The following MDGA2 variants were observed in gnomAD, a reference collection of about 807,000 sequenced individuals.
The protein encoded by MDGA2 is MAM domain containing glycosylphosphatidylinositol anchor 2, also known as MAM domain-containing glycosylphosphatidylinositol anchor protein 2.
In MDGA2, 40 loss-of-function variants were observed where a neutral mutation model predicts 117.8. That is an observed-to-expected ratio of 0.34 (90% confidence interval 0.26 to 0.44). The LOEUF is 0.44. MDGA2 is among the 20% of genes least tolerant of loss of function. MDGA2 has a pLI of 1.00. For synonymous variants in MDGA2, 452 were observed against 439.0 expected (o/e 1.03, Z -0.37); for missense variants, 1,123 against 1,250.6 (o/e 0.90, Z 1.54).
chr14:46,889,556 C>T (rs1446176893), intron 10 of MDGA2, among the ~76,000 whole-genome samples: 1 of 152,058 alleles, frequency 6.6e-6, no homozygotes, highest in East Asian at 1.9e-4. Flanking sequence ...GTCTAGCATG[C>T]ATAGCATTTA....
At chr14:47,672,139 C>T (rs1261614143) in intron 1 of MDGA2, among the ~76,000 whole-genome samples, 1 of 152,152 alleles carries the variant, frequency 6.6e-6, no homozygotes, top group African/African-American at 2.4e-5. Flanking sequence ...TCTTTGAGAA[C>T]CTAACTTCTG....
intron 5 of MDGA2, among the ~76,000 whole-genome samples, chr14:47,108,939 C>T (rs1235154540): frequency 3.3e-5 from 5 of 152,126 alleles, no homozygotes; most frequent in African/African-American, 4.8e-5. Flanking sequence ...TAAACATTGA[C>T]AAGGTATGAT....
chr14:46,844,770 C>T (rs539646982), intron 16 of MDGA2, among the ~76,000 whole-genome samples: 2 of 152,066 alleles, frequency 1.3e-5, no homozygotes, highest in Admixed American at 1.3e-4. Context: ...CCGCATAATC[C>T]CCATGTTTCA....
chr14:46,953,977 A>G lies in MDGA2; in HGVS notation c.2089+3397T>C, dbSNP rs117423987. Among the ~76,000 whole-genome samples, 975 of 152,140 alleles carry G rather than the reference A, an allele frequency of 6.4e-3. 4 individuals are homozygous for G. Among genetic ancestry groups the G allele is most frequent in the African/African-American group, 0.012 (495 of 41,532 alleles). On this transcript the variant is annotated intron_variant, in intron 9 of 16. Transcript: ENST00000399232. Reference sequence around the variant, plus strand: ...TAGATTCTGTCATCTGGTTTCCTATATAATCAAGCTGCTGGAAACATCTTT... The same window carrying G: ...TAGATTCTGTCATCTGGTTTCCTATGTAATCAAGCTGCTGGAAACATCTTT...
At chr14:47,087,243 G>A (rs541227372) in intron 6 of MDGA2, among the ~76,000 whole-genome samples, 16 of 151,776 alleles carry the variant, frequency 1.1e-4, no homozygotes, top group African/African-American at 3.4e-4. Context: ...GGCTGGGTGC[G>A]GTGGCTCACA....
At chr14:47,603,519 G>T (rs1896685114) in intron 1 of MDGA2, among the ~76,000 whole-genome samples, 1 of 152,128 alleles carries the variant, frequency 6.6e-6, no homozygotes, top group Non-Finnish European at 1.5e-5. Context: ...CCTATATTCT[G>T]CATAATGCTG....
chr14:47,200,403 G>T (rs958776618), intron 3 of MDGA2, among the ~76,000 whole-genome samples: 1 of 151,998 alleles, frequency 6.6e-6, no homozygotes, highest in South Asian at 2.1e-4. Flanking sequence ...TCTTTTTATA[G>T]AATAAATCTG....
At chr14:47,214,811 G>A (rs1178479427) in intron 3 of MDGA2, among the ~76,000 whole-genome samples, 1 of 151,926 alleles carries the variant, frequency 6.6e-6, no homozygotes, top group Admixed American at 6.6e-5. Context: ...TTGCTGAGAG[G>A]TACCCATTTT....
chr14:47,015,912 G>A (rs995028793), intron 8 of MDGA2, among the ~76,000 whole-genome samples: 2 of 151,956 alleles, frequency 1.3e-5, no homozygotes, highest in Non-Finnish European at 2.9e-5. Flanking sequence ...ATAAGAATTT[G>A]GAGAGTTATA....
intron 5 of MDGA2, among the ~76,000 whole-genome samples, chr14:47,110,361 G>A (rs1217775321): frequency 6.6e-6 from 1 of 152,124 alleles, no homozygotes; most frequent in Admixed American, 6.6e-5. Flanking sequence ...AATTAGTCAA[G>A]ATTTAAAGCT....
intron 6 of MDGA2, among the ~76,000 whole-genome samples, chr14:47,082,107 G>A (rs1224180372): frequency 1.3e-5 from 2 of 151,920 alleles, no homozygotes; most frequent in East Asian, 3.9e-4. Flanking sequence ...TATCATCATT[G>A]TTCTTCAAAT....
At chr14:47,480,836 C>T (rs1027143137) in intron 1 of MDGA2, among the ~76,000 whole-genome samples, 1 of 151,748 alleles carries the variant, frequency 6.6e-6, no homozygotes, top group African/African-American at 2.4e-5. Context: ...GGACAACGTG[C>T]TATTGTAAAA....
intron 1 of MDGA2, among the ~76,000 whole-genome samples, chr14:47,508,308 A>G (rs1894559182): frequency 6.6e-6 from 1 of 151,356 alleles, no homozygotes; most frequent in Admixed American, 6.6e-5. Context: ...TGAGTAATGT[A>G]GAGTTAATTA....
At chr14:46,871,798 A>G (rs773187039) in intron 14 of MDGA2, 2 of 250,022 alleles carry the variant, frequency 8.0e-6, no homozygotes, top group Non-Finnish European at 1.8e-5. Flanking sequence ...ATGAAGTGCT[A>G]CAGCCAAGTT....
chr14:46,843,158 T>C (rs1433348267), intron 16 of MDGA2, among the ~76,000 whole-genome samples: 1 of 152,098 alleles, frequency 6.6e-6, no homozygotes, highest in Non-Finnish European at 1.5e-5. Flanking sequence ...AAAAACTAAT[T>C]ATAAAAATGT....
intron 2 of MDGA2, among the ~76,000 whole-genome samples, chr14:47,257,792 AGGT>A (rs1273855273): frequency 6.6e-6 from 1 of 152,186 alleles, no homozygotes; most frequent in Non-Finnish European, 1.5e-5. Flanking sequence ...CTGAAGACTT[AGGT>A]CAGTTCTTTC....
intron 3 of MDGA2, among the ~76,000 whole-genome samples, chr14:47,203,119 T>C (rs151194614): frequency 6.6e-6 from 1 of 151,968 alleles, no homozygotes; most frequent in African/African-American, 2.4e-5. Context: ...ACCTGGGCAC[T>C]CTGCAGTAAC....
chr14:47,389,639 C>CA (rs984970147), intron 1 of MDGA2, among the ~76,000 whole-genome samples: 20 of 148,424 alleles, frequency 1.3e-4, no homozygotes, highest in African/African-American at 2.2e-4. Flanking sequence ...CACACACACA[C>CA]TTCAGAAAGC....
chr14:47,281,609 AT>A (rs1888492953), intron 2 of MDGA2, among the ~76,000 whole-genome samples: 1 of 152,190 alleles, frequency 6.6e-6, no homozygotes, highest in Non-Finnish European at 1.5e-5. Flanking sequence ...ATACTGATCC[AT>A]CCATTTTTAA....
Sources: gnomAD v4.1 joint callset for allele counts (sites outside exome capture counted in the v4.1 genomes callset) on GRCh38, gnomAD v4.1.1 for gene constraint, MANE v1.5 for transcripts, NCBI Gene and HGNC (gene_info 2026-07-23, HGNC 2026-07-21) for gene names.